Variants in CARD9 observed in about 807,000 individuals in gnomAD.
The protein encoded by CARD9 is caspase recruitment domain-containing protein 9.
In CARD9, 53 loss-of-function variants were observed where a neutral mutation model predicts 66.0. The ratio of observed to expected loss-of-function variants is 0.80; its 90% CI spans 0.64 to 1.01. The LOEUF (loss-of-function observed/expected upper bound fraction) is 1.01. Among genes scored for constraint, CARD9 ranks in the 50% least tolerant of loss-of-function variants. The pLI is 0.00. For missense variants in CARD9, 769 were observed against 743.2 expected (o/e 1.03, Z -0.40); for synonymous variants, 387 against 313.8 (o/e 1.23, Z -2.47).
At chr9:136,367,481 C>G in intron 8 of CARD9, 156 bp downstream of exon 8, 1 of 1,000,162 alleles carries the variant, frequency 1.0e-6, no homozygotes, top group East Asian at 2.6e-5. Context: ...CTGAACTGCT[C>G]GTGTGCCCTC....
chr9:136,368,534 G>A (rs926255059), intron 7 of CARD9, among the ~76,000 whole-genome samples: 1 of 152,240 alleles, frequency 6.6e-6, no homozygotes, highest in African/African-American at 2.4e-5. Context: ...AGCCCCAGGG[G>A]TCTCGTTTTA....
chr9:136,367,963 T>A lies in CARD9; in HGVS notation c.1078-135A>T, dbSNP rs371601937. On this transcript the variant is annotated intron_variant, in intron 7 of 12. Coordinates refer to ENST00000371732, the MANE Select transcript of CARD9 (RefSeq NM_052813.5). ...GGGCGCGGAGGCTGGTCACAGCCCC[T>A]CCATTTGTGTGCTCTGCGGACACGA... The A allele has an allele frequency of 6.6e-5, 95 of 1,438,578 alleles. 2 individuals carry two copies. The African/African-American group carries it at 1.2e-3, about 18-fold the overall frequency. 89.1% of individuals were successfully genotyped at this position (1,438,578 alleles called of 1,614,324 possible).
rs1833073235 is a variant in CARD9 at position 136,364,632 on chromosome 9, T to C, written c.1435-73A>G. On this transcript the variant is annotated intron_variant, in intron 11 of 12. Coordinates refer to ENST00000371732, the MANE Select transcript of CARD9 (RefSeq NM_052813.5). ...CCCGTCCTTCTCACCCGCCCCCCAC[T>C]GGCCCCTGTAACTGCAGACTGGTTG... The C allele has an allele frequency of 4.9e-6, 7 of 1,433,320 alleles. No homozygotes were observed. The Admixed American group carries it at 1.5e-4, about 30-fold the overall frequency. 88.8% of individuals were successfully genotyped at this position (1,433,320 alleles called of 1,614,324 possible). A position where few individuals can be genotyped will look rare whatever the true frequency, so the allele number is the denominator to read the frequency against.
intron 5 of CARD9, 22 bp downstream of exon 5, chr9:136,370,500 C>G: frequency 6.2e-7 from 1 of 1,601,780 alleles, no homozygotes; most frequent in Non-Finnish European, 8.5e-7. Context: ...CTGGGCTGCA[C>G]CTGCCCTGCC....
chr9:136,373,188 G>A (rs1005331497), intron 1 of CARD9, among the ~76,000 whole-genome samples: 2 of 152,212 alleles, frequency 1.3e-5, no homozygotes, highest in African/African-American at 2.4e-5. Flanking sequence ...GGTCTTTTGA[G>A]GCATTTCTCA....
chr9:136,370,126 C>A, intron 6 of CARD9, 168 bp downstream of exon 6: 1 of 1,426,244 alleles, frequency 7.0e-7, no homozygotes, highest in East Asian at 2.5e-5. Context: ...CCATGGGGGG[C>A]AGGCGGGCAA....
Position 136,372,001 on chromosome 9 carries a change from G to T in CARD9, c.78C>A (p.Asp26Glu). 6.2e-7 allele frequency: 1 copy of T among 1,612,788 alleles called. No individual in the cohort carries two copies. Among genetic ancestry groups the T allele is most frequent in the South Asian group, 1.1e-5 (1 of 91,084 alleles). The change falls in exon 2 of 13, where the codon GAC (aspartate) becomes GAA (glutamate). Residue 26 changes from aspartate (D) to glutamate (E), a missense_variant. Coordinates refer to ENST00000371732, the MANE Select transcript of CARD9 (RefSeq NM_052813.5). ...GFRVTLTSVI[D>E]PSRITPYLRQ... ...GCAGGTAAGGTGTGATGCGTGAGGG[G>T]TCGATGACCGAGGTGAGCGTCACCC... is the stretch of plus-strand genomic sequence containing the variant.
At chr9:136,365,546 G>A (rs1050294644) in intron 10 of CARD9, 6 of 420,804 alleles carry the variant, frequency 1.4e-5, no homozygotes, top group South Asian at 5.5e-5. Flanking sequence ...GAGCAGCACC[G>A]TCCCCCATCA....
intron 10 of CARD9, chr9:136,366,515 G>C (rs910923780): frequency 3.8e-6 from 2 of 528,224 alleles, no homozygotes; most frequent in Non-Finnish European, 6.9e-6. Context: ...AGGACGGTGG[G>C]CCTGCTCACC....
At chr9:136,371,550 G>T in intron 2 of CARD9, 89 bp from the exon 3 acceptor site, 1 of 1,509,940 alleles carries the variant, frequency 6.6e-7, no homozygotes. Context: ...ACAGGTGGAG[G>T]CTGGCATGCA....
Position 136,371,163 on chromosome 9 carries a change from G to A in CARD9, c.323-18C>T, listed in dbSNP as rs2131444449. On this transcript the variant is annotated intron_variant, in intron 3 of 12. Transcript: ENST00000371732. ...GGACGCGTCTGTGGGCCAGGCCAGTGTCAGATGGTGCCGTGTTCCCCGGTG... is the reference window on the plus strand; with the variant it reads ...GGACGCGTCTGTGGGCCAGGCCAGTATCAGATGGTGCCGTGTTCCCCGGTG... 6.2e-7 allele frequency: 1 copy of A among 1,611,310 alleles called. No homozygotes were observed. Among genetic ancestry groups the A allele is most frequent in the Non-Finnish European group, 8.5e-7 (1 of 1,179,394 alleles).
Position 136,370,289 on chromosome 9 carries a change from C to A in CARD9, c.951+5G>T. 1 of 1,600,096 alleles carries A rather than the reference C, an allele frequency of 6.2e-7. No individual in the cohort carries two copies. Among genetic ancestry groups the A allele is most frequent in the Non-Finnish European group, 8.5e-7 (1 of 1,178,312 alleles). On this transcript the variant is annotated splice_donor_5th_base_variant and intron_variant, in intron 6 of 12. Coordinates refer to ENST00000371732, the MANE Select transcript of CARD9 (RefSeq NM_052813.5). The stretch of plus-strand genomic sequence containing the variant: ...GGGGCCATGTCTCCCCGCCTGCCCT[C>A]CTACCCGGAGGCGTCGGGCCTCGCC...
chr9:136,367,746 T>G lies in CARD9; in HGVS notation c.1160A>C (p.Glu387Ala). Residue 387 changes from glutamate to alanine, a missense_variant, in exon 8 of 13, where the codon GAG becomes GCG. By Grantham distance (107) the Glu-to-Ala change is moderately radical. Coordinates refer to ENST00000371732, the MANE Select transcript of CARD9 (RefSeq NM_052813.5). ...EKDALRKQVR[E>A]LGEKADELQL... ...CAGCTCATCCGCCTTCTCGCCCAGC[T>G]CCCGCACCTGCTTGCGCAGCGCGTC... 6.2e-7 allele frequency: 1 copy of G among 1,605,660 alleles called. No individual in the cohort carries two copies. The highest frequency in any genetic ancestry group is 8.5e-7 in the Non-Finnish European group (1 of 1,179,568).
intron 2 of CARD9, 135 bp downstream of exon 2, chr9:136,371,760 C>T (rs1833280569): frequency 4.9e-6 from 7 of 1,419,956 alleles, no homozygotes; most frequent in Non-Finnish European, 6.7e-6. Flanking sequence ...TGAGGTTGGG[C>T]CTCAGTCAGA....
chr9:136,368,191 CCT>C (rs1158664072), intron 7 of CARD9, among the ~76,000 whole-genome samples: 3 of 152,238 alleles, frequency 2.0e-5, no homozygotes, highest in South Asian at 2.1e-4. Flanking sequence ...CTTTACCACC[CCT>C]GTCCTCACTG....
intron 10 of CARD9, chr9:136,365,528 C>T (rs1833103628): frequency 4.0e-6 from 2 of 501,832 alleles, no homozygotes; most frequent in Non-Finnish European, 3.6e-6. Context: ...AACTTAAACC[C>T]TGGGCCTGAG....
chr9:136,367,279 T>G, intron 8 of CARD9, 22 bp from the exon 9 acceptor site: 2 of 1,567,292 alleles, frequency 1.3e-6, no homozygotes, highest in Non-Finnish European at 8.8e-7. Context: ...GAAAATGGGG[T>G]GGGTGGGCTG....
rs1322884687 is a variant in CARD9, at chr9:136,364,182, C to G, written c.*120G>C. 5.7e-5 allele frequency: 89 copies of G among 1,550,426 alleles called. No individual in the cohort carries two copies. The highest frequency in any genetic ancestry group is 7.4e-5 in the Non-Finnish European group (85 of 1,146,834). ...CTGGGCCTTTCAGGGCACCAGATTCCTCGTTCCAGGCCAAGTCAGCGACGG... is the reference window on the plus strand; with the variant it reads ...CTGGGCCTTTCAGGGCACCAGATTCGTCGTTCCAGGCCAAGTCAGCGACGG... On this transcript the variant is annotated 3_prime_UTR_variant, in exon 13 of 13. Transcript: ENST00000371732.
In CARD9 at chr9:136,371,470, CAG is replaced by C. The variant is rs1428278909; in HGVS notation, c.185-11_185-10del. 12 of 1,566,170 alleles carry C rather than the reference CAG, an allele frequency of 7.7e-6. No homozygotes were observed. The highest frequency in any genetic ancestry group is 4.1e-5 in the African/African-American group (3 of 73,702). On this transcript the variant is annotated splice_polypyrimidine_tract_variant and intron_variant, in intron 2 of 12. Coordinates refer to ENST00000371732, the MANE Select transcript of CARD9 (RefSeq NM_052813.5). ...GATGTCCAGGAGCACACCTGCGGGC[CAG>C]AGAGGCCTAACTGGGGGCGGGGCAC...
Sources: allele counts gnomAD v4.1 joint callset (sites outside exome capture counted in the v4.1 genomes callset), GRCh38; gene constraint gnomAD v4.1.1; transcripts MANE v1.5; gene names NCBI Gene and HGNC (gene_info 2026-07-23, HGNC 2026-07-21).